Variants in CBX5 observed in about 807,000 individuals in gnomAD.
The protein encoded by CBX5 is chromobox protein homolog 5.
A neutral mutation model predicts 20.7 loss-of-function variants in CBX5; 7 were observed. The ratio of observed to expected loss-of-function variants is 0.34; its 90% CI spans 0.19 to 0.63. CBX5 has a LOEUF of 0.63. Among genes scored for constraint, CBX5 ranks in the 30% least tolerant of loss-of-function variants. The pLI is 0.75. For synonymous variants in CBX5, 78 were observed against 77.0 expected (o/e 1.01, Z -0.07); for missense variants, 110 against 224.1 (o/e 0.49, Z 3.25).
At chr12:54,279,243 A>G (rs932473887) in intron 1 of CBX5, among the ~76,000 whole-genome samples, 1 of 152,190 alleles carries the variant, frequency 6.6e-6, no homozygotes, top group Admixed American at 6.5e-5. Flanking sequence ...ATTCGTTCTA[A>G]CATTTTAACA....
At chr12:54,278,992 A>G (rs1944099108) in intron 1 of CBX5, 1 of 152,244 alleles carries the variant, frequency 6.6e-6, no homozygotes, top group South Asian at 2.1e-4. Context: ...CTAGAAACAC[A>G]AAACAATCGA....
chr12:54,256,612 G>C (rs924610379), intron 2 of CBX5, among the ~76,000 whole-genome samples: 4 of 152,048 alleles, frequency 2.6e-5, no homozygotes, highest in Non-Finnish European at 5.9e-5. Flanking sequence ...CAGCTAGTTT[G>C]AATGGAGATG....
rs1429792973 is a variant in CBX5 at position 54,233,435 on chromosome 12, A to G, written c.*8320T>C. On this transcript the variant is annotated 3_prime_UTR_variant, in exon 5 of 5. Coordinates refer to ENST00000209875, the MANE Select transcript of CBX5 (RefSeq NM_012117.3). ...ACCACCAGCCCTCGTTTAGAATCCA[A>G]TCCTAAAGCTACCGGAAACCAGAAC... The G allele has an allele frequency of 6.6e-6, 1 of 152,208 alleles. No individual in the cohort carries two copies. Among genetic ancestry groups the G allele is most frequent in the African/African-American group, 2.4e-5 (1 of 41,446 alleles). 9.4% of individuals were successfully genotyped at this position (152,208 alleles called of 1,614,324 possible).
intron 1 of CBX5, among the ~76,000 whole-genome samples, chr12:54,277,393 C>CG (rs1944080144): frequency 6.6e-6 from 1 of 152,064 alleles, no homozygotes; most frequent in Non-Finnish European, 1.5e-5. Context: ...TTAGTAGAGA[C>CG]GGGGTTTCAC....
intron 1 of CBX5, chr12:54,273,590 A>G (rs1365911391): frequency 6.6e-6 from 1 of 152,244 alleles, no homozygotes; most frequent in Admixed American, 6.5e-5. Context: ...AATTGCAATC[A>G]TATGTATCCT....
chr12:54,248,939 G>A (rs760333734), intron 3 of CBX5, among the ~76,000 whole-genome samples: 3 of 152,106 alleles, frequency 2.0e-5, no homozygotes, highest in Non-Finnish European at 2.9e-5. Flanking sequence ...TGCTATCAGG[G>A]GTCCCAGATG....
In CBX5 at chr12:54,242,232, C is replaced by T. The variant is rs187561355; in HGVS notation, c.426-327G>A. Among the ~76,000 whole-genome samples, 339 of 152,148 alleles carry T rather than the reference C, an allele frequency of 2.2e-3. 4 individuals are homozygous for T. The highest frequency in any genetic ancestry group is 8.0e-3 in the African/African-American group (333 of 41,500). On this transcript the variant is annotated intron_variant, in intron 4 of 4. Coordinates refer to ENST00000209875, the MANE Select transcript of CBX5 (RefSeq NM_012117.3). The stretch of plus-strand genomic sequence containing the variant: ...GAGCATGTGAGTGAACCCAATCAAA[C>T]CTACATTCAGGGGCCGGGCACGGTG...
chr12:54,265,428 T>G (rs1273067419), intron 1 of CBX5, among the ~76,000 whole-genome samples: 1 of 152,234 alleles, frequency 6.6e-6, no homozygotes, highest in Non-Finnish European at 1.5e-5. Flanking sequence ...ATGTGGCATT[T>G]TAACAAAAAC....
intron 3 of CBX5, among the ~76,000 whole-genome samples, chr12:54,246,430 T>C (rs554084164): frequency 6.6e-6 from 1 of 152,324 alleles, no homozygotes; most frequent in South Asian, 2.1e-4. Context: ...TGATTATCTT[T>C]CCTGGAATTC....
rs373250895 is a variant in CBX5 at position 54,260,500 on chromosome 12, T to C, written c.-42-2808A>G. ...CAAGAGTGAGACTGTCTCGAAAAAATAAAACAAAATGAATTTAGGTGGAAA... is the reference window on the plus strand; with the variant it reads ...CAAGAGTGAGACTGTCTCGAAAAAACAAAACAAAATGAATTTAGGTGGAAA... On this transcript the variant is annotated intron_variant, in intron 1 of 4. Transcript: ENST00000209875. Among the ~76,000 whole-genome samples, 71 of 136,454 alleles carry C rather than the reference T, an allele frequency of 5.2e-4. 1 individual carries two copies. The highest frequency in any genetic ancestry group is 1.9e-3 in the African/African-American group (68 of 36,396). The allele number at this position is 136,454 out of a possible 152,430, so 89.5% of individuals were successfully genotyped here. A position where few individuals can be genotyped will look rare whatever the true frequency, so the allele number is the denominator to read the frequency against.
intron 4 of CBX5, among the ~76,000 whole-genome samples, chr12:54,242,516 C>T (rs1326333867): frequency 4.0e-5 from 4 of 101,098 alleles, no homozygotes; most frequent in East Asian, 2.8e-4. Context: ...CAGTGCAAGA[C>T]TCCGTCTCAA....
intron 1 of CBX5, among the ~76,000 whole-genome samples, chr12:54,271,641 T>C (rs917850005): frequency 1.3e-5 from 2 of 152,206 alleles, no homozygotes; most frequent in African/African-American, 2.4e-5. Context: ...TCATTTCTGT[T>C]TTCCTTTGTG....
intron 1 of CBX5, among the ~76,000 whole-genome samples, chr12:54,269,964 G>A (rs566551537): frequency 9.2e-5 from 14 of 152,190 alleles, no homozygotes; most frequent in East Asian, 3.9e-4. Flanking sequence ...TATTCGTATC[G>A]TTTTTCAAAA....
At chr12:54,275,434 G>C (rs923432296) in intron 1 of CBX5, among the ~76,000 whole-genome samples, 1 of 151,816 alleles carries the variant, frequency 6.6e-6, no homozygotes, top group African/African-American at 2.4e-5. Flanking sequence ...GCGGAGATGG[G>C]GTTTCACCGT....
chr12:54,266,934 A>T (rs1158802541), intron 1 of CBX5, among the ~76,000 whole-genome samples: 1 of 152,212 alleles, frequency 6.6e-6, no homozygotes, highest in Non-Finnish European at 1.5e-5. Flanking sequence ...GTACACCTAA[A>T]CCCACCACTG....
chr12:54,245,652 A>G (rs185504982), intron 4 of CBX5, among the ~76,000 whole-genome samples: 121 of 152,250 alleles, frequency 7.9e-4, no homozygotes, highest in African/African-American at 2.4e-3. Context: ...GTAGCCAGGT[A>G]TGGTGGCACA....
rs1943639495 is a variant in CBX5 at position 54,237,926 on chromosome 12, T to TC, written c.*3828dup. On this transcript the variant is annotated 3_prime_UTR_variant, in exon 5 of 5. Coordinates refer to ENST00000209875, the MANE Select transcript of CBX5 (RefSeq NM_012117.3). ...AATAGAGGTGGCCAGGCACGGTGGC[T>TC]CATGCCTGTAATTCCAGCACTTTGG... The TC allele has an allele frequency of 6.6e-6, 1 of 152,240 alleles. No homozygotes were observed. Among genetic ancestry groups the TC allele is most frequent in the African/African-American group, 2.4e-5 (1 of 41,444 alleles). 9.4% of individuals were successfully genotyped at this position (152,240 alleles called of 1,614,324 possible). A position where few individuals can be genotyped will look rare whatever the true frequency, so the allele number is the denominator to read the frequency against.
Position 54,252,227 on chromosome 12 carries a change from C to G in CBX5, c.138G>C (p.Glu46Asp). ...EYLLKWKGFSEEHNTWEPEKN... is the reference protein window; with the variant it reads ...EYLLKWKGFSDEHNTWEPEKN... Reference sequence around the variant, plus strand: ...TCTCAGGTTCCCAAGTATTGTGCTCCCTGGGTAAGAAAAATGGGAAAATTA... The same window carrying G: ...TCTCAGGTTCCCAAGTATTGTGCTCGCTGGGTAAGAAAAATGGGAAAATTA... The change falls in exon 3 of 5, where the codon GAG (glutamate) becomes GAC (aspartate). Residue 46 changes from glutamate to aspartate, a missense_variant and splice_region_variant. Transcript: ENST00000209875. 1.9e-6 allele frequency: 3 copies of G among 1,560,350 alleles called. No homozygotes were observed. Among genetic ancestry groups the G allele is most frequent in the Middle Eastern group, 3.6e-4 (2 of 5,506 alleles).
intron 1 of CBX5, among the ~76,000 whole-genome samples, chr12:54,270,555 C>T (rs1039997966): frequency 3.3e-5 from 5 of 152,216 alleles, no homozygotes; most frequent in African/African-American, 1.2e-4. Flanking sequence ...TTACAGGAAT[C>T]AGTCACAGCA....
Sources: allele counts gnomAD v4.1 joint callset (sites outside exome capture counted in the v4.1 genomes callset), GRCh38; gene constraint gnomAD v4.1.1; transcripts MANE v1.5; gene names NCBI Gene and HGNC (gene_info 2026-07-23, HGNC 2026-07-21).